Variants in PLLP observed in about 807,000 individuals in gnomAD.
PLLP encodes the protein plasmolipin.
In PLLP, 15 loss-of-function variants were observed where a neutral mutation model predicts 19.7. The ratio of observed to expected loss-of-function variants is 0.76; its 90% confidence interval spans 0.51 to 1.17. The LOEUF (loss-of-function observed/expected upper bound fraction) is 1.17. PLLP is among the 50% of genes most tolerant of loss of function. The pLI, the probability that PLLP is intolerant of heterozygous loss-of-function variation, is 0.00. For missense variants in PLLP, 255 were observed against 258.3 expected (o/e 0.99, Z 0.09); for synonymous variants, 111 against 116.3 (o/e 0.95, Z 0.29).
At chr16:57,281,837 A>C (rs984036517) in intron 1 of PLLP, among the ~76,000 whole-genome samples, 6 of 152,078 alleles carry the variant, frequency 3.9e-5, no homozygotes, top group African/African-American at 1.4e-4. Context: ...TAAGGCACTA[A>C]AATGTGCAGG....
At chr16:57,264,666 C>T (rs1028728048) in intron 1 of PLLP, among the ~76,000 whole-genome samples, 1 of 152,106 alleles carries the variant, frequency 6.6e-6, no homozygotes, top group African/African-American at 2.4e-5. Context: ...GGGCAATATA[C>T]AGGGAGCCCA....
In PLLP at chr16:57,281,454, A is replaced by G. The variant is rs547615128; in HGVS notation, c.135+2952T>C. On this transcript the variant is annotated intron_variant, in intron 1 of 3. Transcript: ENST00000219207. ...ATCCCATTTCAGACCCAGTGGAACT[A>G]CCTGTTGCCAGAGAAACAGCTCAGG... Among the ~76,000 whole-genome samples, 24 of 152,048 alleles carry G rather than the reference A, an allele frequency of 1.6e-4. 1 individual carries two copies. In the East Asian group the frequency reaches 4.1e-3, roughly 26 times the overall value.
intron 1 of PLLP, 121 bp downstream of exon 1, chr16:57,284,285 G>A (rs1207598863): frequency 1.1e-6 from 1 of 917,688 alleles, no homozygotes; most frequent in Non-Finnish European, 1.5e-6. Context: ...GTCGGTGACA[G>A]TGTGAGCCCG....
intron 1 of PLLP, among the ~76,000 whole-genome samples, chr16:57,264,782 G>T (rs2075452129): frequency 6.6e-6 from 1 of 152,236 alleles, no homozygotes; most frequent in Non-Finnish European, 1.5e-5. Flanking sequence ...CTGGGAGGTT[G>T]AGGCTACAGT....
At chr16:57,281,507 T>C (rs1901217990) in intron 1 of PLLP, among the ~76,000 whole-genome samples, 1 of 141,818 alleles carries the variant, frequency 7.1e-6, no homozygotes, top group African/African-American at 2.8e-5. Flanking sequence ...AGCAGATTTT[T>C]TTTTTATTTC....
chr16:57,281,873 C>T lies in PLLP; in HGVS notation c.135+2533G>A, dbSNP rs1363131243. ...TCATTTTCAGAACTCTGATGGAAGA[C>T]CCTCATCCCCTCAAAGGCACTGCAG... On this transcript the variant is annotated intron_variant, in intron 1 of 3. Transcript: ENST00000219207. Among the ~76,000 whole-genome samples, 4 of 152,128 alleles carry T rather than the reference C, an allele frequency of 2.6e-5. No individual in the cohort carries two copies. The South Asian group carries it at 8.3e-4, about 32-fold the overall frequency.
intron 2 of PLLP, among the ~76,000 whole-genome samples, chr16:57,260,684 G>T (rs1234328108): frequency 2.0e-5 from 3 of 152,058 alleles, no homozygotes; most frequent in Non-Finnish European, 4.4e-5. Context: ...GGGTTTTCCG[G>T]GTCAGAGGAA....
At chr16:57,267,662 A>C (rs973650132) in intron 1 of PLLP, among the ~76,000 whole-genome samples, 12 of 151,834 alleles carry the variant, frequency 7.9e-5, no homozygotes, top group African/African-American at 2.9e-4. Context: ...TGGATCACCT[A>C]AGGTCAGGAG....
intron 1 of PLLP, among the ~76,000 whole-genome samples, chr16:57,273,055 G>A (rs1901096424): frequency 1.3e-5 from 2 of 151,936 alleles, no homozygotes; most frequent in African/African-American, 2.4e-5. Context: ...TCAGGAGATC[G>A]AGACCATCCT....
At position 57,284,628 on chromosome 16, in the gene PLLP, C is replaced by T; in HGVS notation, c.-88G>A. 2.5e-6 allele frequency: 3 copies of T among 1,218,310 alleles called. No homozygotes were observed. The highest frequency in any genetic ancestry group is 2.7e-4 in the Middle Eastern group (1 of 3,684). 75.5% of individuals were successfully genotyped at this position (1,218,310 alleles called of 1,614,324 possible). A position where few individuals can be genotyped will look rare whatever the true frequency, so the allele number is the denominator to read the frequency against. On this transcript the variant is annotated 5_prime_UTR_variant, in exon 1 of 4. Coordinates refer to ENST00000219207, the MANE Select transcript of PLLP (RefSeq NM_015993.3). ...GCCGGCTCCCGCGCCGCTTTTCCCCCAGGCTCCGGATCCCTGTGTGGCTCC... is the reference window on the plus strand; with the variant it reads ...GCCGGCTCCCGCGCCGCTTTTCCCCTAGGCTCCGGATCCCTGTGTGGCTCC...
At chr16:57,278,300 G>A (rs1277747251) in intron 1 of PLLP, among the ~76,000 whole-genome samples, 11 of 152,168 alleles carry the variant, frequency 7.2e-5, no homozygotes, top group Middle Eastern at 3.4e-3. Flanking sequence ...AGATTACGCC[G>A]CTGCACTCCA....
At chr16:57,271,589 G>A (rs1485212340) in intron 1 of PLLP, among the ~76,000 whole-genome samples, 2 of 151,946 alleles carry the variant, frequency 1.3e-5, no homozygotes, top group Non-Finnish European at 2.9e-5. Context: ...AGGTTACAGT[G>A]AGCCAAGATG....
At position 57,256,407 on chromosome 16, in the gene PLLP, A is replaced by G. The variant is rs1468288483; in HGVS notation, c.*506T>C. 2 of 226,434 alleles carry G rather than the reference A, an allele frequency of 8.8e-6. No homozygotes were observed. The highest frequency in any genetic ancestry group is 1.7e-5 in the Non-Finnish European group (2 of 117,792). The allele number at this position is 226,434 out of a possible 1,614,324, so 14.0% of individuals were successfully genotyped here. A position where few individuals can be genotyped will look rare whatever the true frequency, so the allele number is the denominator to read the frequency against. On this transcript the variant is annotated 3_prime_UTR_variant, in exon 4 of 4. Transcript: ENST00000219207. ...GCTGTCAGCAATCAACCCACTTTTT[A>G]CAGGTTGGCTCCAGGGAGAGGTTGG...
chr16:57,266,863 C>CTTTTTTTT (rs34562097), intron 1 of PLLP, among the ~76,000 whole-genome samples: 17 of 97,318 alleles, frequency 1.7e-4, no homozygotes, highest in South Asian at 3.8e-4. Flanking sequence ...GGCACAGGGC[C>CTTTTTTTT]TTTTTTTTTT....
intron 1 of PLLP, among the ~76,000 whole-genome samples, chr16:57,276,012 G>A (rs1300446409): frequency 6.6e-6 from 1 of 152,212 alleles, no homozygotes; most frequent in African/African-American, 2.4e-5. Context: ...GCAGGCTGAG[G>A]TGGTAGGATG....
chr16:57,263,621 T>C (rs997518259), intron 1 of PLLP, among the ~76,000 whole-genome samples: 7 of 152,126 alleles, frequency 4.6e-5, no homozygotes, highest in African/African-American at 1.7e-4. Context: ...TGTCTCAGGG[T>C]GCAGGCCAGC....
At chr16:57,272,233 G>A (rs1769175632) in intron 1 of PLLP, among the ~76,000 whole-genome samples, 1 of 152,212 alleles carries the variant, frequency 6.6e-6, no homozygotes, top group South Asian at 2.1e-4. Context: ...GCCTGGTAAG[G>A]GTTGGGACCT....
At chr16:57,274,547 G>A (rs1213807583) in intron 1 of PLLP, among the ~76,000 whole-genome samples, 1 of 151,796 alleles carries the variant, frequency 6.6e-6, no homozygotes, top group Non-Finnish European at 1.5e-5. Flanking sequence ...CTGCCTCCGG[G>A]GTTCAAGCGA....
At chr16:57,276,250 A>G (rs1901152151) in intron 1 of PLLP, among the ~76,000 whole-genome samples, 1 of 152,210 alleles carries the variant, frequency 6.6e-6, no homozygotes, top group Non-Finnish European at 1.5e-5. Flanking sequence ...TGAGGTCAGG[A>G]GTTCGAGGCC....
Sources: gnomAD v4.1 joint callset for allele counts (sites outside exome capture counted in the v4.1 genomes callset) on GRCh38, gnomAD v4.1.1 for gene constraint, MANE v1.5 for transcripts, NCBI Gene and HGNC (gene_info 2026-07-23, HGNC 2026-07-21) for gene names.